Variants in BICD1 observed in about 807,000 individuals in gnomAD.
BICD1 encodes the protein BICD cargo adaptor 1.
Under a neutral mutation model 92.5 loss-of-function variants are expected in BICD1, and 35 were observed. The ratio of observed to expected loss-of-function variants is 0.38; its 90% CI spans 0.29 to 0.50. The LOEUF (loss-of-function observed/expected upper bound fraction) is 0.50. BICD1 is among the 20% of genes least tolerant of loss of function. BICD1 has a pLI of 0.93. For missense variants in BICD1, 950 were observed against 1,189.8 expected, an observed-to-expected ratio of 0.80 and a Z score of 2.97; for synonymous variants, 429 against 465.1, an observed-to-expected ratio of 0.92 and a Z score of 1.00.
intron 1 of BICD1, among the ~76,000 whole-genome samples, chr12:32,147,210 A>T (rs528757370): frequency 6.6e-6 from 1 of 152,202 alleles, no homozygotes; most frequent in Admixed American, 6.5e-5. Context: ...GGGATTACAT[A>T]TATGAGCCAC....
rs1253996987 is a variant in BICD1, at chr12:32,377,414, C to G, written c.2841-126C>G. 6.7e-6 allele frequency: 5 copies of G among 751,704 alleles called. No homozygotes were observed. The East Asian group carries it at 1.3e-4, about 20-fold the overall frequency. The allele number at this position is 751,704 out of a possible 1,614,324, so 46.6% of individuals were successfully genotyped here. A position where few individuals can be genotyped will look rare whatever the true frequency, so the allele number is the denominator to read the frequency against. On this transcript the variant is annotated intron_variant, in intron 9 of 9. Coordinates refer to ENST00000652176, the MANE Select transcript of BICD1 (RefSeq NM_001714.4). The stretch of plus-strand genomic sequence containing the variant: ...ATCTTGGCATGCTTTAGATGGAAAC[C>G]ATTTACTGTGCAGATTTCTGTTCTT...
intron 1 of BICD1, among the ~76,000 whole-genome samples, chr12:32,204,423 T>C (rs73078206): frequency 0.066 from 9,951 of 151,270 alleles, 342 homozygotes; most frequent in South Asian, 0.11. Flanking sequence ...ATCAGGGAAA[T>C]GCAAATGAGA....
At chr12:32,304,653 G>A (rs1207418661) in intron 3 of BICD1, among the ~76,000 whole-genome samples, 9 of 152,210 alleles carry the variant, frequency 5.9e-5, no homozygotes, top group Non-Finnish European at 1.2e-4. Context: ...CCTGTCACCC[G>A]TGGGCCTTCA....
chr12:32,209,113 G>A (rs75695465), intron 1 of BICD1, among the ~76,000 whole-genome samples: 4 of 152,132 alleles, frequency 2.6e-5, no homozygotes, highest in East Asian at 1.9e-4. Flanking sequence ...GAGCCACCGC[G>A]CCCAGTCTGG....
chr12:32,185,302 A>G (rs1187265673), intron 1 of BICD1, among the ~76,000 whole-genome samples: 1 of 152,250 alleles, frequency 6.6e-6, no homozygotes, highest in African/African-American at 2.4e-5. Context: ...AAAGAGCCAC[A>G]TCCACTGCTA....
At chr12:32,109,460 T>G (rs532878601) in intron 1 of BICD1, 1 of 152,204 alleles carries the variant, frequency 6.6e-6, no homozygotes, top group South Asian at 2.1e-4. Context: ...AAAAAAACGT[T>G]TTGTAGGAAT....
intron 1 of BICD1, among the ~76,000 whole-genome samples, chr12:32,158,106 C>CT (rs35906528): frequency 0.13 from 16,176 of 125,624 alleles, 1,312 homozygotes; most frequent in East Asian, 0.35. Context: ...TTTTTTTTTT[C>CT]TTTTTTTTTT....
At chr12:32,244,440 C>T (rs1381320472) in intron 2 of BICD1, among the ~76,000 whole-genome samples, 2 of 152,264 alleles carry the variant, frequency 1.3e-5, no homozygotes, top group Middle Eastern at 3.4e-3. Flanking sequence ...CATATAATCT[C>T]TCTTCAGGCT....
intron 2 of BICD1, among the ~76,000 whole-genome samples, chr12:32,220,363 C>T (rs576767209): frequency 1.3e-5 from 2 of 152,256 alleles, no homozygotes; most frequent in Admixed American, 1.3e-4. Context: ...GGGCTGATAT[C>T]CAGAATCTGC....
intron 1 of BICD1, among the ~76,000 whole-genome samples, chr12:32,212,913 T>C (rs1486610401): frequency 6.6e-6 from 1 of 152,214 alleles, no homozygotes; most frequent in Non-Finnish European, 1.5e-5. Flanking sequence ...ATTTTTTAAC[T>C]TTTTGTTTGA....
intron 3 of BICD1, among the ~76,000 whole-genome samples, chr12:32,296,258 T>TTTG (rs1947868710): frequency 1.3e-5 from 1 of 76,342 alleles, no homozygotes; most frequent in African/African-American, 4.1e-5. Context: ...TTTTTTTTGT[T>TTTG]TTTTTTTTTT....
chr12:32,186,060 A>T (rs1260404077), intron 1 of BICD1, among the ~76,000 whole-genome samples: 1 of 152,208 alleles, frequency 6.6e-6, no homozygotes, highest in Non-Finnish European at 1.5e-5. Flanking sequence ...TGCTGCATAG[A>T]GGCAATGTTT....
rs746945289 is a variant in BICD1, at chr12:32,293,959, G to T, written c.427-35G>T. The T allele has an allele frequency of 1.9e-6, 3 of 1,585,256 alleles. No homozygotes were observed. The South Asian group carries it at 3.5e-5, about 18-fold the overall frequency. On this transcript the variant is annotated intron_variant, in intron 2 of 9. Coordinates refer to ENST00000652176, the MANE Select transcript of BICD1 (RefSeq NM_001714.4). ...ACACCTTGTAAAATCTACAATAAGA[G>T]AGTTATATATTGACTGTTTACTCTG...
At chr12:32,255,140 C>T (rs1946680504) in intron 2 of BICD1, among the ~76,000 whole-genome samples, 1 of 152,128 alleles carries the variant, frequency 6.6e-6, no homozygotes, top group Admixed American at 6.6e-5. Context: ...TTGCTGCATC[C>T]TCACGTGACT....
At chr12:32,140,920 G>A (rs564698582) in intron 1 of BICD1, among the ~76,000 whole-genome samples, 5 of 152,286 alleles carry the variant, frequency 3.3e-5, no homozygotes, top group African/African-American at 1.2e-4. Flanking sequence ...TGGGAAACCC[G>A]GATTTTTTTG....
At chr12:32,307,002 TG>T (rs1948248228) in intron 4 of BICD1, among the ~76,000 whole-genome samples, 1 of 150,180 alleles carries the variant, frequency 6.7e-6, no homozygotes, top group Admixed American at 6.7e-5. Context: ...GCAACAAGAG[TG>T]AAACGTCATC....
At chr12:32,339,142 T>C in intron 8 of BICD1, 163 bp downstream of exon 8, 1 of 1,342,346 alleles carries the variant, frequency 7.4e-7, no homozygotes, top group South Asian at 2.0e-5. Flanking sequence ...GCTTCCCATT[T>C]CCTCCTTCAC....
chr12:32,298,991 C>G lies in BICD1; in HGVS notation c.579+4845C>G, dbSNP rs545196638. 2.7e-3 allele frequency among the ~76,000 whole-genome samples: 415 copies of G among 151,498 alleles called. 1 individual carries two copies. The highest frequency in any genetic ancestry group is 8.8e-3 in the South Asian group (42 of 4,800). On this transcript the variant is annotated intron_variant, in intron 3 of 9. Coordinates refer to ENST00000652176, the MANE Select transcript of BICD1 (RefSeq NM_001714.4). ...GGGTATCTCTCTATGAGATCATGTACTTTTTAGAGACAAAAGATACAGTCA... is the reference window on the plus strand; with the variant it reads ...GGGTATCTCTCTATGAGATCATGTAGTTTTTAGAGACAAAAGATACAGTCA...
At chr12:32,292,171 T>C (rs1947743249) in intron 2 of BICD1, among the ~76,000 whole-genome samples, 2 of 152,206 alleles carry the variant, frequency 1.3e-5, no homozygotes, top group Admixed American at 1.3e-4. Flanking sequence ...CTCTGGCAGC[T>C]CTAGGGAAAG....
Sources: allele counts gnomAD v4.1 joint callset (sites outside exome capture counted in the v4.1 genomes callset), GRCh38; gene constraint gnomAD v4.1.1; transcripts MANE v1.5; gene names NCBI Gene and HGNC (gene_info 2026-07-23, HGNC 2026-07-21).